The following SNTG1 variants were observed in gnomAD, a reference collection of about 807,000 sequenced individuals.
SNTG1 encodes the protein gamma-1-syntrophin.
In SNTG1, 39 loss-of-function variants were observed where a neutral mutation model predicts 74.7. The observed-to-expected ratio is 0.52, with a 90% CI of 0.40 to 0.68. SNTG1 has a LOEUF of 0.68. Among genes scored for constraint, SNTG1 ranks in the 30% least tolerant of loss-of-function variants. SNTG1 has a pLI of 0.00. For synonymous variants in SNTG1, 254 were observed against 217.1 expected, an observed-to-expected ratio of 1.17 and a Z score of -1.49; for missense variants, 685 against 609.5, an observed-to-expected ratio of 1.12 and a Z score of -1.30.
intron 2 of SNTG1, among the ~76,000 whole-genome samples, chr8:50,196,914 G>A (rs553151057): frequency 7.2e-5 from 11 of 152,182 alleles, no homozygotes; most frequent in Admixed American, 2.6e-4. Flanking sequence ...CCTGGTAGGT[G>A]GAAGTTGCAG....
At chr8:50,610,780 C>T (rs2094844343) in intron 13 of SNTG1, among the ~76,000 whole-genome samples, 1 of 152,132 alleles carries the variant, frequency 6.6e-6, no homozygotes, top group Non-Finnish European at 1.5e-5. Flanking sequence ...AGACCATAAA[C>T]TCCTACTGTT....
chr8:50,656,152 G>A (rs980293132), intron 13 of SNTG1, among the ~76,000 whole-genome samples: 4 of 152,156 alleles, frequency 2.6e-5, no homozygotes, highest in Non-Finnish European at 5.9e-5. Context: ...ACAGAGTTGT[G>A]ATGAGAAAGA....
chr8:50,532,073 C>G (rs1473200891), intron 10 of SNTG1, among the ~76,000 whole-genome samples: 1 of 152,134 alleles, frequency 6.6e-6, no homozygotes, highest in African/African-American at 2.4e-5. Flanking sequence ...AATAAAGCAA[C>G]TGTTATAAAT....
chr8:50,570,450 G>A (rs1327146837), intron 12 of SNTG1, among the ~76,000 whole-genome samples: 1 of 148,248 alleles, frequency 6.7e-6, no homozygotes, highest in African/African-American at 2.5e-5. Context: ...GCAGAGACGG[G>A]GTTTCACCAT....
At position 50,656,571 on chromosome 8, in the gene SNTG1, C is replaced by G. The variant is rs570508322; in HGVS notation, c.850-338C>G. Among the ~76,000 whole-genome samples, 49 of 151,938 alleles carry G rather than the reference C, an allele frequency of 3.2e-4. 1 individual carries two copies. The highest frequency in any genetic ancestry group is 1.2e-3 in the African/African-American group (48 of 41,344). On this transcript the variant is annotated intron_variant, in intron 13 of 18. Transcript: ENST00000642720. ...AATGTCAGTAATTGGTAAACAAGTG[C>G]GATGCATCAATGAATTCTATTATAA... is the stretch of plus-strand genomic sequence containing the variant.
At chr8:50,221,342 A>G (rs957177572) in intron 2 of SNTG1, among the ~76,000 whole-genome samples, 2 of 152,064 alleles carry the variant, frequency 1.3e-5, no homozygotes, top group Non-Finnish European at 2.9e-5. Context: ...AATAGTTACA[A>G]TGGGGAATTA....
chr8:50,231,363 C>A (rs183003717), intron 2 of SNTG1, among the ~76,000 whole-genome samples: 1 of 151,462 alleles, frequency 6.6e-6, no homozygotes, highest in East Asian at 1.9e-4. Flanking sequence ...CCATATGATC[C>A]AGCAATCCCA....
intron 1 of SNTG1, among the ~76,000 whole-genome samples, chr8:50,055,452 C>A (rs1365157949): frequency 1.3e-5 from 2 of 152,018 alleles, no homozygotes; most frequent in Non-Finnish European, 2.9e-5. Flanking sequence ...CATGTTAATG[C>A]TCCTGTTTCT....
intron 2 of SNTG1, among the ~76,000 whole-genome samples, chr8:50,351,556 T>C (rs2091662082): frequency 6.6e-6 from 1 of 152,230 alleles, no homozygotes; most frequent in Admixed American, 6.5e-5. Context: ...TTCATTGAGA[T>C]GTTCTTGAAA....
At chr8:49,960,860 G>GGT (rs1810617629) in intron 1 of SNTG1, among the ~76,000 whole-genome samples, 1 of 152,062 alleles carries the variant, frequency 6.6e-6, no homozygotes, top group African/African-American at 2.4e-5. Flanking sequence ...ATGAGATAAT[G>GGT]GCCCCTCTAT....
chr8:50,239,287 G>A (rs992978091), intron 2 of SNTG1, among the ~76,000 whole-genome samples: 9 of 152,118 alleles, frequency 5.9e-5, no homozygotes, highest in Admixed American at 5.2e-4. Flanking sequence ...TTCGCACACT[G>A]CTATAAAGAT....
chr8:50,230,636 A>C (rs2085569229), intron 2 of SNTG1, among the ~76,000 whole-genome samples: 1 of 151,376 alleles, frequency 6.6e-6, no homozygotes, highest in Admixed American at 6.6e-5. Context: ...TTAAGAGCAA[A>C]AATACAATGG....
chr8:50,236,079 A>AGGTTGAATG (rs1382705755), intron 2 of SNTG1, among the ~76,000 whole-genome samples: 3 of 152,186 alleles, frequency 2.0e-5, no homozygotes, highest in African/African-American at 7.2e-5. Context: ...TGGCATTGGG[A>AGGTTGAATG]GTATGGAGGA....
intron 1 of SNTG1, among the ~76,000 whole-genome samples, chr8:50,128,509 T>C (rs2081216176): frequency 6.6e-6 from 1 of 152,172 alleles, no homozygotes; most frequent in African/African-American, 2.4e-5. Flanking sequence ...AGTACTTACA[T>C]TCTTTCAAAA....
At chr8:50,075,368 A>C (rs898825686) in intron 1 of SNTG1, among the ~76,000 whole-genome samples, 2 of 152,192 alleles carry the variant, frequency 1.3e-5, no homozygotes, top group African/African-American at 4.8e-5. Flanking sequence ...GGAGGATTGT[A>C]TATGCACCAA....
intron 10 of SNTG1, among the ~76,000 whole-genome samples, chr8:50,532,167 A>G (rs573259865): frequency 3.4e-4 from 52 of 152,302 alleles, no homozygotes; most frequent in Middle Eastern, 3.4e-3. Flanking sequence ...TTCTTTTGAC[A>G]TTGCTGAAGA....
At chr8:50,532,059 TA>T (rs1405119593) in intron 10 of SNTG1, among the ~76,000 whole-genome samples, 1 of 152,180 alleles carries the variant, frequency 6.6e-6, no homozygotes, top group African/African-American at 2.4e-5. Flanking sequence ...TTTATAAAAT[TA>T]AAAATAAAGC....
intron 1 of SNTG1, among the ~76,000 whole-genome samples, chr8:50,059,462 T>G (rs1294318311): frequency 6.6e-6 from 1 of 152,064 alleles, no homozygotes; most frequent in African/African-American, 2.4e-5. Context: ...TCATTACCCT[T>G]AAAAGAAACA....
At chr8:50,455,260 G>A (rs1347149518) in intron 8 of SNTG1, among the ~76,000 whole-genome samples, 1 of 152,130 alleles carries the variant, frequency 6.6e-6, no homozygotes, top group Non-Finnish European at 1.5e-5. Context: ...AAAGCAAGAT[G>A]GATGCATAGC....
Sources: gnomAD v4.1 joint callset for allele counts (sites outside exome capture counted in the v4.1 genomes callset) on GRCh38, gnomAD v4.1.1 for gene constraint, MANE v1.5 for transcripts, NCBI Gene and HGNC (gene_info 2026-07-23, HGNC 2026-07-21) for gene names.